ZBTB20: variants seen among roughly 807,000 people sequenced by gnomAD.
ZBTB20 encodes the protein zinc finger and BTB domain-containing protein 20.
In ZBTB20, 9 loss-of-function variants were observed where a neutral mutation model predicts 56.9. The observed-to-expected ratio is 0.16, with a 90% CI of 0.10 to 0.28. ZBTB20 has a LOEUF of 0.28. Ranked by LOEUF, ZBTB20 falls within the 10% of genes least tolerant of loss-of-function variation. The probability of loss-of-function intolerance (pLI) is 1.00; values close to 1 mark genes in which losing one functional copy is unlikely to be tolerated. For synonymous variants in ZBTB20, 417 were observed against 420.7 expected (o/e 0.99, Z 0.11); for missense variants, 655 against 1,003.0 (o/e 0.65, Z 4.69).
intron 10 of ZBTB20, among the ~76,000 whole-genome samples, chr3:114,361,747 T>C (rs1239437897): frequency 6.6e-6 from 1 of 152,170 alleles, no homozygotes; most frequent in Non-Finnish European, 1.5e-5. Flanking sequence ...TTCCCTCAAA[T>C]GCAGAAGGTA....
intron 7 of ZBTB20, among the ~76,000 whole-genome samples, chr3:114,415,494 A>T (rs1029751870): frequency 3.3e-5 from 5 of 152,082 alleles, no homozygotes; most frequent in African/African-American, 4.8e-5. Flanking sequence ...TTTCAAATCT[A>T]AAGTTCTGAT....
At chr3:114,759,540 C>A (rs2068284420) in intron 5 of ZBTB20, among the ~76,000 whole-genome samples, 1 of 152,108 alleles carries the variant, frequency 6.6e-6, no homozygotes, top group Admixed American at 6.6e-5. Flanking sequence ...CTCTGGATTG[C>A]AAAAGTTTAC....
rs146330916 is a variant in ZBTB20 at position 114,425,867 on chromosome 3, C to A, written c.-254-36762G>T. On this transcript the variant is annotated intron_variant, in intron 7 of 11. Transcript: ENST00000675478. Reference sequence around the variant, plus strand: ...TATACAAATTCTGTGTAACCACAGTCTAATATATCCAATGCCTCAATCTTC... The same window carrying A: ...TATACAAATTCTGTGTAACCACAGTATAATATATCCAATGCCTCAATCTTC... Among the ~76,000 whole-genome samples, 1,081 of 152,344 alleles carry A rather than the reference C, an allele frequency of 7.1e-3. 23 individuals carry two copies. The highest frequency in any genetic ancestry group is 0.027 in the Admixed American group (413 of 15,302).
At chr3:114,782,609 T>C (rs2108778134) in intron 5 of ZBTB20, among the ~76,000 whole-genome samples, 1 of 152,308 alleles carries the variant, frequency 6.6e-6, no homozygotes, top group South Asian at 2.1e-4. Context: ...TGGGTGCAAA[T>C]ATAATCTGCC....
intron 6 of ZBTB20, among the ~76,000 whole-genome samples, chr3:114,575,048 A>T (rs962255384): frequency 2.0e-5 from 3 of 152,246 alleles, no homozygotes; most frequent in Non-Finnish European, 1.5e-5. Flanking sequence ...ATTTATAAAT[A>T]AAAAAAAGTG....
intron 7 of ZBTB20, among the ~76,000 whole-genome samples, chr3:114,426,093 T>C (rs960898015): frequency 1.1e-4 from 16 of 152,116 alleles, no homozygotes; most frequent in Non-Finnish European, 2.1e-4. Context: ...CCCAGCACTT[T>C]GGGAGGCCGA....
rs368923674 is a variant in ZBTB20, at chr3:114,804,889, G to A, written c.-416-3715C>T. On this transcript the variant is annotated intron_variant, in intron 4 of 11. Transcript: ENST00000675478. ...TCAAAAATAATAGTAATTCTTTAATGTCATTAAATATCCTGTCCATGTTAA... is the reference window on the plus strand; with the variant it reads ...TCAAAAATAATAGTAATTCTTTAATATCATTAAATATCCTGTCCATGTTAA... Among the ~76,000 whole-genome samples the A allele has an allele frequency of 7.2e-5, 11 of 151,904 alleles. No individual in the cohort carries two copies. In the East Asian group the frequency reaches 9.7e-4, roughly 13 times the overall value.
At chr3:114,360,045 A>T (rs973413965) in intron 10 of ZBTB20, among the ~76,000 whole-genome samples, 2 of 151,882 alleles carry the variant, frequency 1.3e-5, no homozygotes, top group African/African-American at 4.8e-5. Context: ...TGATTTTTTG[A>T]CTTTGGGAAA....
intron 6 of ZBTB20, among the ~76,000 whole-genome samples, chr3:114,626,779 A>C (rs2058678238): frequency 6.6e-6 from 1 of 152,206 alleles, no homozygotes; most frequent in South Asian, 2.1e-4. Context: ...CAACAGGATA[A>C]AAGTGTTATT....
chr3:115,064,125 C>T (rs574427680), intron 2 of ZBTB20, among the ~76,000 whole-genome samples: 1 of 152,236 alleles, frequency 6.6e-6, no homozygotes, highest in Non-Finnish European at 1.5e-5. Flanking sequence ...ACATCCCTTT[C>T]GGGAGTTCTC....
chr3:114,766,874 C>A (rs1002255507), intron 5 of ZBTB20, among the ~76,000 whole-genome samples: 6 of 151,984 alleles, frequency 3.9e-5, no homozygotes, highest in Non-Finnish European at 5.9e-5. Context: ...TCACCTTTTT[C>A]TTTCTTTCCC....
intron 6 of ZBTB20, among the ~76,000 whole-genome samples, chr3:114,544,414 TTTCTTTCTTTCTTTCTTTC>T (rs2110129770): frequency 1.1e-4 from 1 of 8,866 alleles, no homozygotes; most frequent in East Asian, 3.4e-3. Context: ...TTCTTCTTTC[TTTCTTTCTTTCTTTCTTTC>T]TTTCTTTCTT....
At chr3:114,470,552 A>T (rs558506505) in intron 7 of ZBTB20, among the ~76,000 whole-genome samples, 1 of 152,160 alleles carries the variant, frequency 6.6e-6, no homozygotes, top group African/African-American at 2.4e-5. Flanking sequence ...CCAGAATTTT[A>T]TGCATTATTT....
chr3:114,817,571 C>A (rs1321996034), intron 4 of ZBTB20, among the ~76,000 whole-genome samples: 3 of 150,868 alleles, frequency 2.0e-5, no homozygotes, highest in Non-Finnish European at 4.4e-5. Context: ...AAATATCTCT[C>A]TATATATACA....
At chr3:114,805,259 T>C (rs966728952) in intron 4 of ZBTB20, among the ~76,000 whole-genome samples, 1 of 151,898 alleles carries the variant, frequency 6.6e-6, no homozygotes, top group African/African-American at 2.4e-5. Context: ...CATTAATATG[T>C]TTTTTCTGTT....
At chr3:114,440,768 C>A (rs949356251) in intron 7 of ZBTB20, among the ~76,000 whole-genome samples, 4 of 152,162 alleles carry the variant, frequency 2.6e-5, no homozygotes, top group Non-Finnish European at 4.4e-5. Flanking sequence ...TGAAGTGATA[C>A]CATGGGAAGG....
At chr3:115,125,120 A>G (rs1051935218) in intron 1 of ZBTB20, among the ~76,000 whole-genome samples, 1 of 152,030 alleles carries the variant, frequency 6.6e-6, no homozygotes, top group Non-Finnish European at 1.5e-5. Flanking sequence ...AGGCAGAAGG[A>G]CTGCTTGAGG....
chr3:115,097,571 AG>A (rs2083426854), intron 1 of ZBTB20, among the ~76,000 whole-genome samples: 1 of 152,148 alleles, frequency 6.6e-6, no homozygotes, highest in Non-Finnish European at 1.5e-5. Flanking sequence ...TTTTAGCTAC[AG>A]GGCATGGCAA....
chr3:114,897,736 C>T (rs1695570572), intron 4 of ZBTB20, among the ~76,000 whole-genome samples: 1 of 152,120 alleles, frequency 6.6e-6, no homozygotes, highest in Non-Finnish European at 1.5e-5. Context: ...CTCTTGCACA[C>T]TGGTGTGAAC....
Sources: gnomAD v4.1 joint callset for allele counts (sites outside exome capture counted in the v4.1 genomes callset) on GRCh38, gnomAD v4.1.1 for gene constraint, MANE v1.5 for transcripts, NCBI Gene and HGNC (gene_info 2026-07-23, HGNC 2026-07-21) for gene names.